Variants in TBC1D14 observed in about 807,000 individuals in gnomAD.
The protein encoded by TBC1D14 is TBC1 domain family member 14.
Under a neutral mutation model 79.0 loss-of-function variants are expected in TBC1D14, and 26 were observed. That is an observed-to-expected ratio of 0.33 (90% CI 0.24 to 0.46). The LOEUF (loss-of-function observed/expected upper bound fraction) is 0.46. TBC1D14 is among the 20% of genes least tolerant of loss of function. TBC1D14 has a pLI of 1.00. For synonymous variants in TBC1D14, 394 were observed against 349.9 expected, an observed-to-expected ratio of 1.13 and a Z score of -1.40; for missense variants, 769 against 887.6, an observed-to-expected ratio of 0.87 and a Z score of 1.70.
Position 6,923,607 on chromosome 4 carries a change from T to G in TBC1D14, c.218T>G (p.Ile73Ser). The G allele has an allele frequency of 6.2e-7, 1 of 1,613,918 alleles. No homozygotes were observed. The change falls in exon 2 of 14, where the codon ATC becomes AGC. Residue 73 changes from isoleucine (I) to serine (S), a missense_variant. Transcript: ENST00000409757. ...SVDSGIPTLEIGNPEPVPCSA... is the reference protein window; with the variant it reads ...SVDSGIPTLESGNPEPVPCSA... The stretch of plus-strand genomic sequence containing the variant: ...GACTCGGGGATTCCTACCCTGGAGA[T>G]CGGGAACCCGGAGCCTGTACCCTGC...
At chr4:6,953,560 G>A (rs78249830) in intron 2 of TBC1D14, among the ~76,000 whole-genome samples, 2 of 144,870 alleles carry the variant, frequency 1.4e-5, no homozygotes, top group Non-Finnish European at 3.0e-5. Flanking sequence ...GAACCCCAGG[G>A]GGCGGAGCCT....
intron 1 of TBC1D14, among the ~76,000 whole-genome samples, chr4:6,914,981 G>A (rs188441642): frequency 1.9e-4 from 29 of 152,320 alleles, no homozygotes; most frequent in Non-Finnish European, 3.1e-4. Context: ...GGAGGTTGTG[G>A]TGAGCCCAGA....
intron 3 of TBC1D14, among the ~76,000 whole-genome samples, chr4:6,981,339 C>T (rs1194034463): frequency 5.3e-5 from 8 of 152,146 alleles, no homozygotes; most frequent in African/African-American, 1.9e-4. Flanking sequence ...AATTTGATAA[C>T]TTAGATGAAA....
intron 3 of TBC1D14, among the ~76,000 whole-genome samples, chr4:6,969,053 G>C (rs1216590333): frequency 6.6e-6 from 1 of 152,136 alleles, no homozygotes; most frequent in African/African-American, 2.4e-5. Flanking sequence ...TTCACGCGTC[G>C]GCAGGTTAAA....
chr4:7,030,385 G>T lies in TBC1D14; in HGVS notation c.2075G>T (p.Arg692Leu). The T allele has an allele frequency of 6.2e-7, 1 of 1,613,968 alleles. No homozygotes were observed. The highest frequency in any genetic ancestry group is 1.1e-5 in the South Asian group (1 of 91,068). The change falls in exon 14 of 14, where the codon CGA becomes CTA. Residue 692 changes from arginine to leucine, a missense_variant. Arg to Leu is a moderately radical substitution (Grantham distance 102). Transcript: ENST00000409757. ...REMEKGSPSL[R>L]H ...ATGGAGAAGGGAAGTCCGTCCCTCC[G>T]ACACTGAGGCTGCAGCGGGAATTCG...
intron 2 of TBC1D14, among the ~76,000 whole-genome samples, chr4:6,963,213 GA>G (rs1324483618): frequency 6.6e-6 from 1 of 152,254 alleles, no homozygotes; most frequent in East Asian, 1.9e-4. Context: ...TTGAAATAGT[GA>G]AAAGAGGAAG....
At chr4:7,024,432 G>A (rs1017865385) in intron 12 of TBC1D14, among the ~76,000 whole-genome samples, 2 of 152,180 alleles carry the variant, frequency 1.3e-5, no homozygotes, top group Admixed American at 6.5e-5. Context: ...AGCCAGGAGC[G>A]TCTGGGAAGT....
chr4:7,030,099 C>T (rs556289150), intron 13 of TBC1D14, among the ~76,000 whole-genome samples: 10 of 152,248 alleles, frequency 6.6e-5, no homozygotes, highest in East Asian at 3.9e-4. Flanking sequence ...ATTCTGTGGC[C>T]GGCTGGAAGG....
intron 3 of TBC1D14, among the ~76,000 whole-genome samples, chr4:6,971,844 A>G (rs950227148): frequency 1.3e-5 from 2 of 152,240 alleles, no homozygotes. Context: ...CAGGAAGAGA[A>G]TGTTAGCTAT....
chr4:6,953,629 C>CAAAAAAAAAAAAAAA (rs750667631), intron 2 of TBC1D14, among the ~76,000 whole-genome samples: 1 of 55,040 alleles, frequency 1.8e-5, no homozygotes, highest in Non-Finnish European at 3.0e-5. Context: ...GACTCCGTCT[C>CAAAAAAAAAAAAAAA]AAAAAAAAAA....
rs1297291744 is a variant in TBC1D14 at position 6,982,949 on chromosome 4, A to T, written c.844-11235A>T. Among the ~76,000 whole-genome samples, 3 of 152,170 alleles carry T rather than the reference A, an allele frequency of 2.0e-5. No homozygotes were observed. In the East Asian group the frequency reaches 5.8e-4, roughly 29 times the overall value. ...GGAGAACAAACTGGGTACATGGGAGATAGGAGGGAGACCTACTTTCCACTG... is the reference window on the plus strand; with the variant it reads ...GGAGAACAAACTGGGTACATGGGAGTTAGGAGGGAGACCTACTTTCCACTG... On this transcript the variant is annotated intron_variant, in intron 3 of 13. Transcript: ENST00000409757.
At chr4:6,974,078 C>T (rs1716492511) in intron 3 of TBC1D14, among the ~76,000 whole-genome samples, 1 of 152,144 alleles carries the variant, frequency 6.6e-6, no homozygotes, top group Admixed American at 6.5e-5. Context: ...CCTGCCTTGG[C>T]CTCCCAGAGT....
chr4:6,923,470 T>C lies in TBC1D14; in HGVS notation c.81T>C (p.Leu27=). Reference sequence around the variant, plus strand: ...TGGATGGTCGACCAGGAAACCCCCTTCAGAACCTGCAACACGTCAATCTCA... The same window carrying C: ...TGGATGGTCGACCAGGAAACCCCCTCCAGAACCTGCAACACGTCAATCTCA... ...GILDGRPGNP[L]QNLQHVNLKA... The change falls in exon 2 of 14, where the codon CTT becomes CTC. Residue 27 remains leucine, a synonymous_variant. Coordinates refer to ENST00000409757, the MANE Select transcript of TBC1D14 (RefSeq NM_020773.3). 1.2e-6 allele frequency: 2 copies of C among 1,614,158 alleles called. No homozygotes were observed. Among genetic ancestry groups the C allele is most frequent in the Non-Finnish European group, 1.7e-6 (2 of 1,180,030 alleles).
Position 7,032,346 on chromosome 4 carries a change from A to G in TBC1D14, c.*1954A>G, listed in dbSNP as rs1380257763. The G allele has an allele frequency of 1.3e-5, 2 of 152,594 alleles. No homozygotes were observed. Among genetic ancestry groups the G allele is most frequent in the Admixed American group, 6.5e-5 (1 of 15,268 alleles). 9.5% of individuals were successfully genotyped at this position (152,594 alleles called of 1,614,324 possible). On this transcript the variant is annotated 3_prime_UTR_variant, in exon 14 of 14. Transcript: ENST00000409757. ...AAAGATGTATATATTTTCTTACTGT[A>G]CATAAAGATGTTCCTTAAGTCGTAC...
rs143230575 is a variant in TBC1D14, at chr4:6,916,289, G to A, written c.-18+6338G>A. Among the ~76,000 whole-genome samples, 480 of 152,212 alleles carry A rather than the reference G, an allele frequency of 3.2e-3. 2 individuals are homozygous for A. The highest frequency in any genetic ancestry group is 5.4e-3 in the Non-Finnish European group (368 of 68,002). ...TGAAGAGGCAGCTGTCCTGTGGAGCGTCCAGAGAGGAGCCGGGACAGGGAG... is the reference window on the plus strand; with the variant it reads ...TGAAGAGGCAGCTGTCCTGTGGAGCATCCAGAGAGGAGCCGGGACAGGGAG... On this transcript the variant is annotated intron_variant, in intron 1 of 13. Transcript: ENST00000409757.
chr4:7,021,002 C>A (rs1258737038), intron 12 of TBC1D14, among the ~76,000 whole-genome samples: 3 of 152,224 alleles, frequency 2.0e-5, no homozygotes, highest in African/African-American at 7.2e-5. Context: ...TGTGTGCAGC[C>A]CGGGGCCCTG....
In TBC1D14 at chr4:6,923,419, A is replaced by G; in HGVS notation, c.30A>G (p.Thr10=). The change falls in exon 2 of 14, where the codon ACA becomes ACG. Residue 10 remains threonine, a synonymous_variant. Transcript: ENST00000409757. MTDGKLSTS[T]NGVAFMGILD... Reference sequence around the variant, plus strand: ...CTGATGGAAAACTCTCCACCTCTACAAATGGCGTAGCCTTCATGGGTATTC... The same window carrying G: ...CTGATGGAAAACTCTCCACCTCTACGAATGGCGTAGCCTTCATGGGTATTC... 6.2e-7 allele frequency: 1 copy of G among 1,612,374 alleles called. No individual in the cohort carries two copies. Among genetic ancestry groups the G allele is most frequent in the Non-Finnish European group, 8.5e-7 (1 of 1,178,838 alleles).
chr4:6,955,081 A>G (rs1560278862), intron 2 of TBC1D14, among the ~76,000 whole-genome samples: 1 of 152,072 alleles, frequency 6.6e-6, no homozygotes. Context: ...CCTGTGGAGG[A>G]GGTAGGATTT....
chr4:6,987,090 G>C (rs1356686510), intron 3 of TBC1D14: 41 of 645,366 alleles, frequency 6.4e-5, no homozygotes, highest in Non-Finnish European at 7.9e-5. Context: ...CCCGCCCCTT[G>C]TGCCCGCCCC....
Sources: gnomAD v4.1 joint callset for allele counts (sites outside exome capture counted in the v4.1 genomes callset) on GRCh38, gnomAD v4.1.1 for gene constraint, MANE v1.5 for transcripts, NCBI Gene and HGNC (gene_info 2026-07-23, HGNC 2026-07-21) for gene names.